Variants in FOXP1 observed in about 807,000 individuals in gnomAD.
FOXP1 encodes forkhead box protein P1.
A neutral mutation model predicts 98.2 loss-of-function variants in FOXP1; 15 were observed. That is an observed-to-expected ratio of 0.15 (90% CI 0.10 to 0.24). The LOEUF is 0.24. Ranked by LOEUF, FOXP1 falls within the 10% of genes least tolerant of loss-of-function variation. The probability of loss-of-function intolerance (pLI) is 1.00; values close to 1 mark genes in which losing one functional copy is unlikely to be tolerated. For synonymous variants in FOXP1, 371 were observed against 314.5 expected, an observed-to-expected ratio of 1.18 and a Z score of -1.90; for missense variants, 633 against 848.5, an observed-to-expected ratio of 0.75 and a Z score of 3.15.
At chr3:71,572,210 C>T (rs1300646102) in intron 2 of FOXP1, 1 of 152,132 alleles carries the variant, frequency 6.6e-6, no homozygotes, top group Non-Finnish European at 1.5e-5. Flanking sequence ...TGTTTTTTCC[C>T]TTAATGTAAG....
intron 2 of FOXP1, among the ~76,000 whole-genome samples, chr3:71,494,271 T>C (rs1471042209): frequency 1.3e-5 from 2 of 152,262 alleles, no homozygotes; most frequent in Non-Finnish European, 2.9e-5. Context: ...CATTAACCGA[T>C]GCTCTTCAAG....
intron 3 of FOXP1, among the ~76,000 whole-genome samples, chr3:71,489,996 A>G (rs559179878): frequency 6.6e-6 from 1 of 152,350 alleles, no homozygotes; most frequent in African/African-American, 2.4e-5. Context: ...TTTCAAGCCT[A>G]AAGACTCCAA....
At chr3:70,996,239 C>T (rs2041343536) in intron 13 of FOXP1, among the ~76,000 whole-genome samples, 1 of 152,166 alleles carries the variant, frequency 6.6e-6, no homozygotes, top group Admixed American at 6.5e-5. Context: ...CCGCCTCAGC[C>T]TTCCAAAGTG....
intron 5 of FOXP1, among the ~76,000 whole-genome samples, chr3:71,259,044 C>T (rs1002823895): frequency 6.6e-6 from 1 of 152,072 alleles, no homozygotes; most frequent in Non-Finnish European, 1.5e-5. Flanking sequence ...ACTCAGGAGG[C>T]GGAGGCAGGA....
At chr3:71,357,435 A>T (rs1440250378) in intron 4 of FOXP1, among the ~76,000 whole-genome samples, 1 of 152,264 alleles carries the variant, frequency 6.6e-6, no homozygotes, top group East Asian at 1.9e-4. Flanking sequence ...AACAGAAGGC[A>T]TTCATTGAAA....
At chr3:71,178,867 G>C (rs961931321) in intron 6 of FOXP1, among the ~76,000 whole-genome samples, 4 of 151,058 alleles carry the variant, frequency 2.6e-5, no homozygotes, top group African/African-American at 4.9e-5. Context: ...CTGGGCGACA[G>C]AGCGAGACTC....
At chr3:71,139,446 T>C (rs2059964787) in intron 6 of FOXP1, among the ~76,000 whole-genome samples, 1 of 151,914 alleles carries the variant, frequency 6.6e-6, no homozygotes, top group African/African-American at 2.4e-5. Context: ...CCACATTTGC[T>C]ATTAGTGTTT....
intron 5 of FOXP1, among the ~76,000 whole-genome samples, chr3:71,283,895 G>C (rs1438145608): frequency 6.6e-6 from 1 of 152,044 alleles, no homozygotes; most frequent in African/African-American, 2.4e-5. Flanking sequence ...TGGTATAGTG[G>C]CCTCCCAATG....
At chr3:71,135,040 C>T (rs758240614) in intron 6 of FOXP1, among the ~76,000 whole-genome samples, 3 of 151,968 alleles carry the variant, frequency 2.0e-5, no homozygotes, top group Non-Finnish European at 4.4e-5. Context: ...GGGCGGATCA[C>T]GAGGTCAAAA....
At chr3:71,413,318 G>A (rs1225092982) in intron 3 of FOXP1, among the ~76,000 whole-genome samples, 5 of 140,302 alleles carry the variant, frequency 3.6e-5, no homozygotes, top group Admixed American at 2.2e-4. Context: ...GTATGGAACT[G>A]GCTAAATAAA....
intron 13 of FOXP1, among the ~76,000 whole-genome samples, chr3:70,989,985 G>C (rs1040566837): frequency 6.6e-6 from 1 of 152,152 alleles, no homozygotes; most frequent in Non-Finnish European, 1.5e-5. Context: ...CACATACCTA[G>C]AATTTGTATA....
chr3:71,071,337 C>T (rs900175251), intron 7 of FOXP1, among the ~76,000 whole-genome samples: 1 of 152,150 alleles, frequency 6.6e-6, no homozygotes, highest in African/African-American at 2.4e-5. Context: ...CCAGACAGCT[C>T]CAAGTACTGG....
At chr3:71,424,056 G>A (rs2083885303) in intron 3 of FOXP1, among the ~76,000 whole-genome samples, 1 of 152,160 alleles carries the variant, frequency 6.6e-6, no homozygotes, top group African/African-American at 2.4e-5. Context: ...AGCCTCCCAA[G>A]TCGCTGGATT....
chr3:71,383,012 C>G (rs957942212), intron 3 of FOXP1, among the ~76,000 whole-genome samples: 1 of 152,148 alleles, frequency 6.6e-6, no homozygotes, highest in African/African-American at 2.4e-5. Flanking sequence ...GCACTTCAAG[C>G]TTGGTAGATG....
intron 7 of FOXP1, among the ~76,000 whole-genome samples, chr3:71,073,230 G>A (rs996028616): frequency 2.0e-5 from 3 of 152,130 alleles, no homozygotes; most frequent in African/African-American, 7.2e-5. Context: ...TTGAAATCAG[G>A]GCGCGCTGTG....
chr3:71,327,542 C>G (rs1427634661), intron 4 of FOXP1, among the ~76,000 whole-genome samples: 1 of 151,016 alleles, frequency 6.6e-6, no homozygotes, highest in Non-Finnish European at 1.5e-5. Context: ...CGCCTGCCAC[C>G]ACGCCCAGCT....
chr3:70,973,809 G>A (rs1485039351), intron 17 of FOXP1, among the ~76,000 whole-genome samples: 1 of 145,584 alleles, frequency 6.9e-6, no homozygotes, highest in East Asian at 2.1e-4. Context: ...CAGCAACACT[G>A]CTATTGCACA....
intron 7 of FOXP1, among the ~76,000 whole-genome samples, chr3:71,072,153 C>G (rs2053324014): frequency 6.6e-6 from 1 of 152,094 alleles, no homozygotes; most frequent in Admixed American, 6.6e-5. Flanking sequence ...AAGACCCTGT[C>G]TCTAAAATAT....
chr3:71,581,613 C>T lies in FOXP1; in HGVS notation c.-362G>A, dbSNP rs905241669. 1 of 985,662 alleles carries T rather than the reference C, an allele frequency of 1.0e-6. No individual in the cohort carries two copies. The highest frequency in any genetic ancestry group is 1.7e-5 in the African/African-American group (1 of 57,228). 61.1% of individuals were successfully genotyped at this position (985,662 alleles called of 1,614,324 possible). Reference sequence around the variant, plus strand: ...GCCCGCGGAGGAGGCGCCGGCAGCACCATGGTCCCCGGCGCCGCTGCCGCT... The same window carrying T: ...GCCCGCGGAGGAGGCGCCGGCAGCATCATGGTCCCCGGCGCCGCTGCCGCT... On this transcript the variant is annotated 5_prime_UTR_variant, in exon 2 of 21. In the 5' UTR this introduces an upstream ATG that the reference lacks. Coordinates refer to ENST00000649528, the MANE Select transcript of FOXP1 (RefSeq NM_001349338.3).
Sources: allele counts gnomAD v4.1 joint callset (sites outside exome capture counted in the v4.1 genomes callset), GRCh38; gene constraint gnomAD v4.1.1; transcripts MANE v1.5; gene names NCBI Gene and HGNC (gene_info 2026-07-23, HGNC 2026-07-21).